The following DDX10 variants were observed in gnomAD, a reference collection of about 807,000 sequenced individuals.
The protein encoded by DDX10 is DEAD-box helicase 10, also known as probable ATP-dependent RNA helicase DDX10.
A neutral mutation model predicts 104.3 loss-of-function variants in DDX10; 74 were observed. The ratio of observed to expected loss-of-function variants is 0.71; its 90% CI spans 0.59 to 0.86. The LOEUF (loss-of-function observed/expected upper bound fraction) is 0.86, where lower values mean the gene tolerates loss of function less well. Ranked by LOEUF, DDX10 falls within the 40% of genes least tolerant of loss-of-function variation. DDX10 has a pLI of 0.00. For missense variants in DDX10, 952 were observed against 1,040.0 expected, an observed-to-expected ratio of 0.92 and a Z score of 1.16; for synonymous variants, 351 against 353.4, an observed-to-expected ratio of 0.99 and a Z score of 0.08.
rs1488808651 is a variant in DDX10 at position 108,706,262 on chromosome 11, G to T, written c.1224-477G>T. The stretch of plus-strand genomic sequence containing the variant: ...GCTGGAATTACATGCATGAGCCACC[G>T]CACCCGGCCGAACAGATCTATTTCT... On this transcript the variant is annotated intron_variant, in intron 9 of 17. Coordinates refer to ENST00000322536, the MANE Select transcript of DDX10 (RefSeq NM_004398.4). 2.6e-5 allele frequency among the ~76,000 whole-genome samples: 4 copies of T among 152,204 alleles called. No homozygotes were observed. The East Asian group carries it at 7.7e-4, about 29-fold the overall frequency.
intron 17 of DDX10, among the ~76,000 whole-genome samples, chr11:108,937,077 C>T (rs776895922): frequency 1.2e-4 from 18 of 152,054 alleles, no homozygotes; most frequent in Non-Finnish European, 1.8e-4. Context: ...GTACCTTTCA[C>T]GGGAGATAAG....
At chr11:108,688,099 T>TAC (rs2094247203) in intron 6 of DDX10, among the ~76,000 whole-genome samples, 4 of 152,244 alleles carry the variant, frequency 2.6e-5, no homozygotes, top group Non-Finnish European at 5.9e-5. Flanking sequence ...GGCTGTGTAA[T>TAC]TGTTCATACT....
intron 16 of DDX10, among the ~76,000 whole-genome samples, chr11:108,915,976 T>A (rs1467742166): frequency 6.6e-6 from 1 of 150,768 alleles, no homozygotes; most frequent in Non-Finnish European, 1.5e-5. Context: ...AAAAGTTCTT[T>A]AGGAAATTAC....
chr11:108,722,327 TA>T (rs1315024885), intron 12 of DDX10, among the ~76,000 whole-genome samples: 1 of 152,188 alleles, frequency 6.6e-6, no homozygotes. Flanking sequence ...ATTGAGAACT[TA>T]ATGAAGCTAT....
chr11:108,674,794 G>A (rs1246014100), intron 2 of DDX10, among the ~76,000 whole-genome samples: 2 of 152,180 alleles, frequency 1.3e-5, no homozygotes, highest in African/African-American at 4.8e-5. Context: ...GATTATAGGC[G>A]TGAGCCACCA....
intron 16 of DDX10, among the ~76,000 whole-genome samples, chr11:108,912,866 A>G (rs1863698288): frequency 6.6e-6 from 1 of 152,126 alleles, no homozygotes; most frequent in South Asian, 2.1e-4. Context: ...TCACATGTCA[A>G]TTGTGTATTT....
chr11:108,825,290 G>A (rs1862380799), intron 13 of DDX10, among the ~76,000 whole-genome samples: 1 of 152,104 alleles, frequency 6.6e-6, no homozygotes, highest in Admixed American at 6.6e-5. Context: ...CAGTGGAGGG[G>A]AATAGAAACT....
At chr11:108,821,710 G>A (rs981929945) in intron 13 of DDX10, among the ~76,000 whole-genome samples, 8 of 152,040 alleles carry the variant, frequency 5.3e-5, no homozygotes, top group East Asian at 1.9e-4. Flanking sequence ...TTTTATGAAC[G>A]TAAGAAAGCG....
intron 6 of DDX10, among the ~76,000 whole-genome samples, chr11:108,685,558 A>G (rs1304408134): frequency 1.3e-5 from 2 of 152,186 alleles, no homozygotes; most frequent in Non-Finnish European, 2.9e-5. Context: ...GCTCCTCCCA[A>G]GGTTATCTCC....
intron 13 of DDX10, among the ~76,000 whole-genome samples, chr11:108,799,684 C>A (rs115287059): frequency 6.6e-6 from 1 of 152,148 alleles, no homozygotes; most frequent in Admixed American, 6.5e-5. Context: ...TTTGACCTTG[C>A]GCAGATTTCA....
rs540601735 is a variant in DDX10 at position 108,768,331 on chromosome 11, A to G, written c.1965+44869A>G. ...CAGGATGTTCCTTTGGGATGAAAGA[A>G]TGAATTAGATTTTTCTATCTATACA... On this transcript the variant is annotated intron_variant, in intron 13 of 17. Transcript: ENST00000322536. 3.0e-4 allele frequency among the ~76,000 whole-genome samples: 45 copies of G among 152,328 alleles called. No individual in the cohort carries two copies. The South Asian group carries it at 5.2e-3, about 18-fold the overall frequency.
intron 16 of DDX10, among the ~76,000 whole-genome samples, chr11:108,910,785 GTGTGTC>G (rs1565316171): frequency 9.5e-6 from 1 of 105,100 alleles, no homozygotes; most frequent in Non-Finnish European, 2.1e-5. Flanking sequence ...GTGTGTGTGT[GTGTGTC>G]TGTGTGTGTC....
chr11:108,826,987 G>T (rs962703706), intron 13 of DDX10, among the ~76,000 whole-genome samples: 19 of 152,148 alleles, frequency 1.2e-4, no homozygotes, highest in African/African-American at 4.3e-4. Context: ...ATCTTCTAAG[G>T]CAGTTTGAGC....
At chr11:108,888,133 TAGG>T (rs1187653567) in intron 16 of DDX10, among the ~76,000 whole-genome samples, 1 of 152,122 alleles carries the variant, frequency 6.6e-6, no homozygotes, top group Non-Finnish European at 1.5e-5. Flanking sequence ...CAAGTCTTCT[TAGG>T]AGAGGAATAA....
intron 13 of DDX10, among the ~76,000 whole-genome samples, chr11:108,757,774 C>T (rs750928975): frequency 6.6e-6 from 1 of 152,042 alleles, no homozygotes; most frequent in Non-Finnish European, 1.5e-5. Context: ...TCTGGCTTTT[C>T]CCTGACCTTT....
At chr11:108,804,747 AGCT>A (rs1436168799) in intron 13 of DDX10, among the ~76,000 whole-genome samples, 3 of 152,110 alleles carry the variant, frequency 2.0e-5, no homozygotes, top group African/African-American at 7.2e-5. Flanking sequence ...TTCTTTTGAC[AGCT>A]GTATGACCGA....
chr11:108,769,275 A>G (rs1294228450), intron 13 of DDX10, among the ~76,000 whole-genome samples: 1 of 140,670 alleles, frequency 7.1e-6, no homozygotes, highest in Non-Finnish European at 1.6e-5. Context: ...TCATATTTTT[A>G]TTCCTTTATC....
At chr11:108,716,839 T>G (rs1043342859) in intron 11 of DDX10, among the ~76,000 whole-genome samples, 16 of 152,228 alleles carry the variant, frequency 1.1e-4, no homozygotes, top group African/African-American at 3.9e-4. Flanking sequence ...GAAACAAATA[T>G]ACATTGTGTA....
chr11:108,868,668 T>G (rs1045383744), intron 16 of DDX10, among the ~76,000 whole-genome samples: 10 of 152,084 alleles, frequency 6.6e-5, no homozygotes, highest in Non-Finnish European at 1.2e-4. Context: ...TAAAGGGGTA[T>G]GTTGTGGTTA....
Sources: gnomAD v4.1 joint callset for allele counts (sites outside exome capture counted in the v4.1 genomes callset) on GRCh38, gnomAD v4.1.1 for gene constraint, MANE v1.5 for transcripts, NCBI Gene and HGNC (gene_info 2026-07-23, HGNC 2026-07-21) for gene names.